The following FHL5 variants were observed in gnomAD, a reference collection of about 807,000 sequenced individuals.
FHL5 encodes four and a half LIM domains protein 5.
In FHL5, 33 loss-of-function variants were observed where a neutral mutation model predicts 32.0. The observed-to-expected ratio is 1.03, with a 90% CI of 0.78 to 1.38. The LOEUF (loss-of-function observed/expected upper bound fraction) is 1.38. FHL5 is among the 40% of genes most tolerant of loss of function. The pLI is 0.00. For synonymous variants in FHL5, 114 were observed against 113.6 expected (o/e 1.00, Z -0.02); for missense variants, 336 against 343.9 (o/e 0.98, Z 0.18).
At chr6:96,572,155 G>A (rs1452305273) in intron 1 of FHL5, among the ~76,000 whole-genome samples, 2 of 152,150 alleles carry the variant, frequency 1.3e-5, no homozygotes, top group African/African-American at 4.8e-5. Context: ...TGCCACTTCA[G>A]CTCAGGCTTG....
chr6:96,598,346 A>T (rs1196450249), intron 1 of FHL5, among the ~76,000 whole-genome samples: 1 of 152,196 alleles, frequency 6.6e-6, no homozygotes. Context: ...AGCCGAGCCA[A>T]ATCTGCATCC....
rs555396737 is a variant in FHL5 at position 96,575,920 on chromosome 6, T to G, written c.-13+12565T>G. On this transcript the variant is annotated intron_variant, in intron 1 of 5. Coordinates refer to ENST00000450218, the MANE Select transcript of FHL5 (RefSeq NM_001322466.2). ...AAATCCATAGCAATGTGTAGTTAAG[T>G]TTTTAAAGCTCTGACATGTAAAAAG... Among the ~76,000 whole-genome samples the G allele has an allele frequency of 5.5e-4, 83 of 152,248 alleles. 2 individuals carry two copies. Among genetic ancestry groups the G allele is most frequent in the Non-Finnish European group, 9.1e-4 (62 of 68,002 alleles).
At chr6:96,573,992 GC>G (rs1770536218) in intron 1 of FHL5, among the ~76,000 whole-genome samples, 2 of 151,556 alleles carry the variant, frequency 1.3e-5, no homozygotes, top group South Asian at 4.2e-4. Flanking sequence ...TCAATTAAGA[GC>G]CTTAACATTT....
rs143904467 is a variant in FHL5, at chr6:96,577,780, T to C, written c.-13+14425T>C. 1.3e-3 allele frequency among the ~76,000 whole-genome samples: 199 copies of C among 152,282 alleles called. 1 individual carries two copies. The highest frequency in any genetic ancestry group is 4.6e-3 in the African/African-American group (192 of 41,558). On this transcript the variant is annotated intron_variant, in intron 1 of 5. Coordinates refer to ENST00000450218, the MANE Select transcript of FHL5 (RefSeq NM_001322466.2). The stretch of plus-strand genomic sequence containing the variant: ...GAGAGAAAGTTTTCATCTTTTTCTA[T>C]GTTTTGAAAAATTACAGCCTAACTA...
chr6:96,570,457 T>A (rs1353969119), intron 1 of FHL5, among the ~76,000 whole-genome samples: 1 of 152,184 alleles, frequency 6.6e-6, no homozygotes, highest in South Asian at 2.1e-4. Context: ...GAGGACCTTT[T>A]TGGGGTTGAA....
At chr6:96,597,977 T>C (rs897954193) in intron 1 of FHL5, among the ~76,000 whole-genome samples, 3 of 152,148 alleles carry the variant, frequency 2.0e-5, no homozygotes, top group Non-Finnish European at 4.4e-5. Flanking sequence ...ATTGCAAAGA[T>C]TTAAAAAGAT....
At chr6:96,565,413 G>A (rs1770335456) in intron 1 of FHL5, among the ~76,000 whole-genome samples, 1 of 152,094 alleles carries the variant, frequency 6.6e-6, no homozygotes, top group African/African-American at 2.4e-5. Context: ...AATTAAAACA[G>A]CTGTGTTATA....
At chr6:96,572,054 G>A (rs906871773) in intron 1 of FHL5, among the ~76,000 whole-genome samples, 87 of 152,086 alleles carry the variant, frequency 5.7e-4, no homozygotes, top group Admixed American at 3.1e-3. Context: ...CTGGGGAATC[G>A]AAGTCTAAAA....
intron 1 of FHL5, among the ~76,000 whole-genome samples, chr6:96,600,875 A>G (rs1003867988): frequency 7.9e-5 from 12 of 152,180 alleles, no homozygotes; most frequent in African/African-American, 2.9e-4. Flanking sequence ...TCAAATCACT[A>G]AGTAAATATT....
At chr6:96,596,454 T>C (rs989580386) in intron 1 of FHL5, among the ~76,000 whole-genome samples, 1 of 152,094 alleles carries the variant, frequency 6.6e-6, no homozygotes, top group African/African-American at 2.4e-5. Context: ...AAGACATCAT[T>C]TACCTTCTTG....
chr6:96,578,662 C>T (rs889297648), intron 1 of FHL5, among the ~76,000 whole-genome samples: 4 of 151,880 alleles, frequency 2.6e-5, no homozygotes, highest in Non-Finnish European at 4.4e-5. Flanking sequence ...GCCAACGTGT[C>T]GAAACCCCAT....
At chr6:96,582,613 G>A (rs1342245575) in intron 1 of FHL5, among the ~76,000 whole-genome samples, 2 of 152,072 alleles carry the variant, frequency 1.3e-5, no homozygotes, top group African/African-American at 4.8e-5. Context: ...TGTTTCATGG[G>A]AGAGTAGTTC....
chr6:96,588,080 G>T (rs1770835779), intron 1 of FHL5, among the ~76,000 whole-genome samples: 1 of 152,178 alleles, frequency 6.6e-6, no homozygotes, highest in Non-Finnish European at 1.5e-5. Context: ...ACACACTTAG[G>T]GGTGAAATTG....
chr6:96,603,892 G>A, intron 2 of FHL5, 120 bp downstream of exon 2: 1 of 750,500 alleles, frequency 1.3e-6, no homozygotes, highest in Non-Finnish European at 2.2e-6. Context: ...GATATATAAG[G>A]ATCTTAAAAG....
Position 96,609,385 on chromosome 6 carries a change from TC to T in FHL5, c.505-1186del, listed in dbSNP as rs200785711. Among the ~76,000 whole-genome samples, 602 of 152,284 alleles carry T rather than the reference TC, an allele frequency of 4.0e-3. 3 individuals are homozygous for T. The highest frequency in any genetic ancestry group is 0.014 in the African/African-American group (572 of 41,560). On this transcript the variant is annotated intron_variant, in intron 4 of 5. Coordinates refer to ENST00000450218, the MANE Select transcript of FHL5 (RefSeq NM_001322466.2). ...CAGTATCTACAGCAATTCTAAGAGC[TC>T]ATTAGCTGTGAATTCAAAAGGTGAT... is the stretch of plus-strand genomic sequence containing the variant.
At chr6:96,566,131 C>T (rs568168145) in intron 1 of FHL5, among the ~76,000 whole-genome samples, 2 of 152,020 alleles carry the variant, frequency 1.3e-5, no homozygotes, top group Non-Finnish European at 1.5e-5. Flanking sequence ...ATTTCTTAAC[C>T]TACCTTTGGC....
chr6:96,606,352 T>C (rs894633115), intron 4 of FHL5, among the ~76,000 whole-genome samples: 2 of 152,018 alleles, frequency 1.3e-5, no homozygotes, highest in African/African-American at 2.4e-5. Context: ...TTTGTTGTTG[T>C]TGTTGTTTTA....
intron 1 of FHL5, among the ~76,000 whole-genome samples, chr6:96,579,243 TAC>T (rs1192480680): frequency 6.6e-6 from 1 of 152,244 alleles, no homozygotes; most frequent in African/African-American, 2.4e-5. Flanking sequence ...TACTGTTTCA[TAC>T]AGTTTCTTCA....
chr6:96,565,009 C>A lies in FHL5; in HGVS notation c.-13+1654C>A, dbSNP rs560982397. Among the ~76,000 whole-genome samples, 3 of 152,208 alleles carry A rather than the reference C, an allele frequency of 2.0e-5. No individual in the cohort carries two copies. In the South Asian group the frequency reaches 6.2e-4, roughly 32 times the overall value. On this transcript the variant is annotated intron_variant, in intron 1 of 5. Coordinates refer to ENST00000450218, the MANE Select transcript of FHL5 (RefSeq NM_001322466.2). ...CGGTGGCTCACTTCTGTAATCCTAG[C>A]TTTGGGAGGCCAAGGTCGTGGGGAT... is the stretch of plus-strand genomic sequence containing the variant.
Sources: allele counts gnomAD v4.1 joint callset (sites outside exome capture counted in the v4.1 genomes callset), GRCh38; gene constraint gnomAD v4.1.1; transcripts MANE v1.5; gene names NCBI Gene and HGNC (gene_info 2026-07-23, HGNC 2026-07-21).